Variants in HPS1 observed in about 807,000 individuals in gnomAD.
The protein encoded by HPS1 is BLOC-3 complex member HPS1.
In HPS1, 59 loss-of-function variants were observed where a neutral mutation model predicts 90.6. The ratio of observed to expected loss-of-function variants is 0.65; its 90% CI spans 0.53 to 0.81. The LOEUF (loss-of-function observed/expected upper bound fraction) is 0.81. HPS1 is among the 30% of genes least tolerant of loss of function. HPS1 has a pLI of 0.00. For synonymous variants in HPS1, 388 were observed against 384.4 expected (o/e 1.01, Z -0.11); for missense variants, 849 against 896.7 (o/e 0.95, Z 0.68).
chr10:98,435,464 C>T lies in HPS1; in HGVS notation c.256-50G>A. Reference sequence around the variant, plus strand: ...CAGCCAGCCCCAAGGGCACTCCCTTCACCTGCCCTGGTCTCTGCAGACAAG... The same window carrying T: ...CAGCCAGCCCCAAGGGCACTCCCTTTACCTGCCCTGGTCTCTGCAGACAAG... On this transcript the variant is annotated intron_variant, in intron 4 of 19. Transcript: ENST00000361490. The surrounding 1 kb of genome is among the most constrained non-coding windows in gnomAD (Gnocchi z 4.3). The T allele has an allele frequency of 1.2e-6, 2 of 1,613,532 alleles. No individual in the cohort carries two copies. The highest frequency in any genetic ancestry group is 1.7e-6 in the Non-Finnish European group (2 of 1,179,854).
Position 98,431,279 on chromosome 10 carries a change from G to A in HPS1, c.520C>T (p.Leu174=), listed in dbSNP as rs754389654. The A allele has an allele frequency of 6.8e-6, 11 of 1,613,758 alleles. No individual in the cohort carries two copies. The highest frequency in any genetic ancestry group is 8.5e-6 in the Non-Finnish European group (10 of 1,180,020). ...AGCTCACAGAGCTGGGGGTGAATCA[G>A]TCGCTCCAGGGCCTAGCCAGGGCAG... ...QCFAVEALER[L]IHPQLCELCI... The change falls in exon 7 of 20, where the codon CTG becomes TTG. Residue 174 remains leucine (L), a synonymous_variant. Coordinates refer to ENST00000361490, the MANE Select transcript of HPS1 (RefSeq NM_000195.5).
chr10:98,430,372 T>A (rs1035623589), intron 8 of HPS1, among the ~76,000 whole-genome samples, 199 bp downstream of exon 8: 5 of 152,150 alleles, frequency 3.3e-5, no homozygotes, highest in Non-Finnish European at 7.4e-5. Context: ...TCTGCACTTT[T>A]AACCCACTGG....
intron 17 of HPS1, among the ~76,000 whole-genome samples, chr10:98,421,183 T>A (rs10786419): frequency 6.6e-6 from 1 of 152,080 alleles, no homozygotes; most frequent in Non-Finnish European, 1.5e-5. Flanking sequence ...CATCGCCGTG[T>A]GATTACTCAT....
downstream of HPS1, chr10:98,415,061 C>T (rs371673222): frequency 1.8e-4 from 296 of 1,613,982 alleles, no homozygotes; most frequent in Non-Finnish European, 2.5e-4. Context: ...CCCTGGCTTC[C>T]GTGTTATCTC....
At chr10:98,428,910 T>C (rs56163649) in intron 10 of HPS1, among the ~76,000 whole-genome samples, 6,608 of 151,650 alleles carry the variant, frequency 0.044, 341 homozygotes, top group African/African-American at 0.12. Context: ...GGCATGATCT[T>C]GGCTCACTGC....
chr10:98,430,057 G>A (rs1025301035), intron 8 of HPS1, among the ~76,000 whole-genome samples, 168 bp from the exon 9 acceptor site: 2 of 152,204 alleles, frequency 1.3e-5, no homozygotes, highest in Non-Finnish European at 2.9e-5. Context: ...TTCGATTCTA[G>A]GCGGTCTGTT....
chr10:98,436,410 T>G (rs1306629185), intron 3 of HPS1, among the ~76,000 whole-genome samples: 1 of 152,182 alleles, frequency 6.6e-6, no homozygotes, highest in African/African-American at 2.4e-5. Flanking sequence ...AAAAACGAAG[T>G]ATTGATAAAA....
intron 3 of HPS1, 105 bp downstream of exon 3, chr10:98,443,019 G>C: frequency 1.2e-6 from 1 of 851,768 alleles, no homozygotes; most frequent in Non-Finnish European, 2.1e-6. Context: ...TGCTCATGCT[G>C]CCCAGGACAG....
intron 3 of HPS1, among the ~76,000 whole-genome samples, chr10:98,440,375 G>A (rs1938199201): frequency 6.6e-6 from 1 of 152,024 alleles, no homozygotes; most frequent in Non-Finnish European, 1.5e-5. Context: ...AGCAAATTAG[G>A]AGCAATATTT....
chr10:98,434,526 T>C (rs1292167960), intron 5 of HPS1, among the ~76,000 whole-genome samples: 2 of 151,188 alleles, frequency 1.3e-5, no homozygotes, highest in Non-Finnish European at 2.9e-5. Flanking sequence ...CCTGCAGCAT[T>C]TGCCACTGAC....
chr10:98,421,566 T>A (rs1470427047), intron 17 of HPS1, among the ~76,000 whole-genome samples: 1 of 152,130 alleles, frequency 6.6e-6, no homozygotes, highest in Non-Finnish European at 1.5e-5. Flanking sequence ...TACAGAGTGA[T>A]CTCAACTACA....
chr10:98,423,725 G>A (rs1564834689), intron 15 of HPS1, 28 bp downstream of exon 15: 2 of 1,614,082 alleles, frequency 1.2e-6, no homozygotes, highest in South Asian at 1.1e-5. Context: ...CCCTGCCCTG[G>A]CCACCCAGGG....
rs1846164971 is a variant in HPS1, at chr10:98,429,878, C to T, written c.780G>A (p.Arg260=). ...GGATGTTCTGGCTGCTCCGGGCCCT[C>T]CGCGGGGAAGGCTGTGCAGGGCAGG... is the stretch of plus-strand genomic sequence containing the variant. The part of the protein sequence containing the change: ...TAEDDIQPSP[R]RARSSQNIPV... Residue 260 remains arginine, a synonymous_variant, in exon 9 of 20, where the codon CGG becomes CGA. Coordinates refer to ENST00000361490, the MANE Select transcript of HPS1 (RefSeq NM_000195.5). 2 of 1,611,672 alleles carry T rather than the reference C, an allele frequency of 1.2e-6. No individual in the cohort carries two copies. Among genetic ancestry groups the T allele is most frequent in the African/African-American group, 2.7e-5 (2 of 75,058 alleles).
downstream of HPS1, chr10:98,414,063 AT>A (rs1843881564): frequency 6.6e-6 from 1 of 150,426 alleles, no homozygotes; most frequent in Non-Finnish European, 1.5e-5. Flanking sequence ...ACACATATAC[AT>A]ATATATACAC....
At chr10:98,419,042 G>T (rs776865601) in intron 18 of HPS1, among the ~76,000 whole-genome samples, 2 of 152,220 alleles carry the variant, frequency 1.3e-5, no homozygotes, top group Admixed American at 6.5e-5. Context: ...CCCTGGCCAT[G>T]GCGTCTGATC....
rs987811732 is a variant in HPS1, at chr10:98,425,604, G to A, written c.1272C>T (p.Leu424=). Residue 424 remains leucine (L), a synonymous_variant, in exon 13 of 20, where the codon CTC becomes CTT. Transcript: ENST00000361490. ...CCATCCTCTGGCGCAGGTCTCCCAC[G>A]AGGGGCTGGGAGCGCAGGGAGGCCC... ...EPGASLRSQP[L]VGDLRQRMDK... is the part of the protein sequence containing the mutation. 9.9e-6 allele frequency: 16 copies of A among 1,613,748 alleles called. No homozygotes were observed. Among genetic ancestry groups the A allele is most frequent in the Admixed American group, 8.3e-5 (5 of 59,976 alleles).
chr10:98,431,054 G>T, intron 7 of HPS1, 77 bp downstream of exon 7: 1 of 1,481,864 alleles, frequency 6.7e-7, no homozygotes, highest in Non-Finnish European at 9.3e-7. Context: ...GGCAGGTGGT[G>T]CTTTTCAGGC....
At chr10:98,418,957 C>T (rs560429573) in intron 18 of HPS1, among the ~76,000 whole-genome samples, 29 of 152,334 alleles carry the variant, frequency 1.9e-4, no homozygotes, top group Non-Finnish European at 2.5e-4. Context: ...TCTGAGGGCA[C>T]GGAGGAAAGC....
In HPS1 at chr10:98,427,227, C is replaced by A; in HGVS notation, c.975G>T (p.Met325Ile). 1 of 1,551,346 alleles carries A rather than the reference C, an allele frequency of 6.4e-7. No individual in the cohort carries two copies. The highest frequency in any genetic ancestry group is 1.4e-5 in the African/African-American group (1 of 73,174). ...AGGAGAAACTCACCTGAAGGGCATC[C>A]ATGGGGGGGGTGCCCCCCTCCAGCC... ...TIWLEGGTPPMDALQIAEDTL... is the reference protein window; with the variant it reads ...TIWLEGGTPPIDALQIAEDTL... The change falls in exon 11 of 20, where the codon ATG (methionine) becomes ATT (isoleucine). Residue 325 changes from methionine to isoleucine, a missense_variant. Coordinates refer to ENST00000361490, the MANE Select transcript of HPS1 (RefSeq NM_000195.5).
Sources: gnomAD v4.1 joint callset for allele counts (sites outside exome capture counted in the v4.1 genomes callset) on GRCh38, gnomAD v4.1.1 for gene constraint, Gnocchi (gnomAD v3.1) non-coding constraint, MANE v1.5 for transcripts, NCBI Gene and HGNC (gene_info 2026-07-23, HGNC 2026-07-21) for gene names.